The following FBXL7 variants were observed in gnomAD, a reference collection of about 807,000 sequenced individuals.
The protein encoded by FBXL7 is F-box and leucine rich repeat protein 7, also known as F-box/LRR-repeat protein 7.
FBXL7 carries 12 observed loss-of-function variants against 38.3 expected under a neutral mutation model. That is an observed-to-expected ratio of 0.31 (90% confidence interval 0.20 to 0.51). FBXL7 has a LOEUF of 0.51. FBXL7 is among the 20% of genes least tolerant of loss of function. FBXL7 has a pLI of 0.98. For missense variants in FBXL7, 567 were observed against 676.4 expected (o/e 0.84, Z 1.79); for synonymous variants, 297 against 300.9 (o/e 0.99, Z 0.13).
At chr5:15,769,647 G>A (rs981522256) in intron 2 of FBXL7, among the ~76,000 whole-genome samples, 4 of 151,454 alleles carry the variant, frequency 2.6e-5, no homozygotes, top group African/African-American at 4.9e-5. Flanking sequence ...AAAATGTTTC[G>A]CTTTAAAAAT....
chr5:15,681,554 T>C (rs1181937723), intron 2 of FBXL7, among the ~76,000 whole-genome samples: 3 of 152,208 alleles, frequency 2.0e-5, no homozygotes, highest in African/African-American at 7.2e-5. Flanking sequence ...ATAAACCTGT[T>C]AGTAGTATTT....
Position 15,928,090 on chromosome 5 carries a change from G to A in FBXL7, c.328G>A (p.Glu110Lys), listed in dbSNP as rs778729469. ...CCGGCTCGCCTCCAGACCCCAGAAG[G>A]AGCAGGCCAGCATAGACCGGCTCCC... ...LIRLASRPQK[E>K]QASIDRLPDH... Residue 110 changes from glutamate to lysine, a missense_variant, in exon 3 of 4, where the codon GAG becomes AAG. Glu to Lys is a moderately conservative substitution (Grantham distance 56). Transcript: ENST00000504595. The surrounding 1 kb of genome is among the most constrained non-coding windows in gnomAD (Gnocchi z 4.0). 25 of 1,609,324 alleles carry A rather than the reference G, an allele frequency of 1.6e-5. No homozygotes were observed. The highest frequency in any genetic ancestry group is 2.0e-5 in the Non-Finnish European group (23 of 1,179,198).
intron 2 of FBXL7, among the ~76,000 whole-genome samples, chr5:15,618,192 T>C (rs1362096761): frequency 1.3e-5 from 2 of 152,184 alleles, no homozygotes; most frequent in African/African-American, 4.8e-5. Context: ...ATGTATTTTC[T>C]GTTATTCTGA....
At chr5:15,506,261 A>G (rs902560408) in intron 1 of FBXL7, among the ~76,000 whole-genome samples, 4 of 152,056 alleles carry the variant, frequency 2.6e-5, no homozygotes, top group Admixed American at 6.5e-5. Context: ...AAGCACTGCA[A>G]TCCCTCCACA....
intron 2 of FBXL7, among the ~76,000 whole-genome samples, chr5:15,776,957 A>T (rs1223499710): frequency 6.6e-6 from 1 of 152,146 alleles, no homozygotes; most frequent in Non-Finnish European, 1.5e-5. Context: ...GTATCTTAAT[A>T]TCTTCTTCTT....
chr5:15,931,141 T>C (rs1458944507), intron 3 of FBXL7, among the ~76,000 whole-genome samples: 1 of 152,236 alleles, frequency 6.6e-6, no homozygotes, highest in Non-Finnish European at 1.5e-5. Flanking sequence ...TATTGTTTTG[T>C]CATTATCACA....
intron 1 of FBXL7, among the ~76,000 whole-genome samples, chr5:15,586,565 A>G (rs1210200763): frequency 6.6e-6 from 1 of 151,742 alleles, no homozygotes; most frequent in Non-Finnish European, 1.5e-5. Flanking sequence ...TCTTATTACT[A>G]CCCCTGGTTG....
At position 15,862,243 on chromosome 5, in the gene FBXL7, G is replaced by A. The variant is rs139922442; in HGVS notation, c.128-65647G>A. ...GTGAATAAGTCTCACAAGATCTGAT[G>A]GTTTTATAAGGGGAAATGCCTTTCA... On this transcript the variant is annotated intron_variant, in intron 2 of 3. Transcript: ENST00000504595. 7.5e-3 allele frequency among the ~76,000 whole-genome samples: 1,138 copies of A among 152,216 alleles called. 10 individuals are homozygous for A. Among genetic ancestry groups the A allele is most frequent in the South Asian group, 0.015 (74 of 4,812 alleles).
At chr5:15,537,408 T>C (rs1737617151) in intron 1 of FBXL7, among the ~76,000 whole-genome samples, 1 of 152,160 alleles carries the variant, frequency 6.6e-6, no homozygotes, top group Non-Finnish European at 1.5e-5. Flanking sequence ...TTTAATGAAA[T>C]TTGAAAAGCC....
intron 2 of FBXL7, among the ~76,000 whole-genome samples, chr5:15,801,666 C>T (rs1330252967): frequency 2.5e-4 from 36 of 141,362 alleles, no homozygotes; most frequent in East Asian, 1.2e-3. Flanking sequence ...TGCGCGCGCG[C>T]GTGTGTGTGT....
intron 2 of FBXL7, among the ~76,000 whole-genome samples, chr5:15,801,718 T>A (rs1737574782): frequency 6.6e-6 from 1 of 151,456 alleles, no homozygotes; most frequent in Non-Finnish European, 1.5e-5. Context: ...GTGGGACAGG[T>A]TGGCCCTCTT....
At chr5:15,534,602 C>T (rs915327800) in intron 1 of FBXL7, among the ~76,000 whole-genome samples, 3 of 152,136 alleles carry the variant, frequency 2.0e-5, no homozygotes, top group Non-Finnish European at 2.9e-5. Flanking sequence ...TTGGCAATTA[C>T]GAATAAAGCA....
intron 2 of FBXL7, among the ~76,000 whole-genome samples, chr5:15,700,290 C>T (rs1414692745): frequency 6.6e-6 from 1 of 152,180 alleles, no homozygotes; most frequent in African/African-American, 2.4e-5. Flanking sequence ...TTTAAATCCT[C>T]CTTTCATGAT....
At chr5:15,587,583 T>C (rs553996745) in intron 1 of FBXL7, among the ~76,000 whole-genome samples, 1 of 152,346 alleles carries the variant, frequency 6.6e-6, no homozygotes, top group South Asian at 2.1e-4. Context: ...AGAGTATGTG[T>C]AGTTATCGTT....
intron 2 of FBXL7, among the ~76,000 whole-genome samples, chr5:15,775,806 C>T (rs1245037866): frequency 2.0e-5 from 3 of 152,090 alleles, no homozygotes; most frequent in Non-Finnish European, 4.4e-5. Context: ...ATCAAGGCAA[C>T]GTCATTGCAG....
At chr5:15,710,355 C>T (rs1004684594) in intron 2 of FBXL7, among the ~76,000 whole-genome samples, 2 of 152,092 alleles carry the variant, frequency 1.3e-5, no homozygotes. Flanking sequence ...AACATGACCA[C>T]CTCAAGGCCT....
At chr5:15,740,799 C>T (rs1158014977) in intron 2 of FBXL7, among the ~76,000 whole-genome samples, 3 of 152,098 alleles carry the variant, frequency 2.0e-5, no homozygotes, top group Non-Finnish European at 4.4e-5. Flanking sequence ...AATGAAAACA[C>T]AACTAAGGAA....
At chr5:15,796,185 T>G (rs984494615) in intron 2 of FBXL7, among the ~76,000 whole-genome samples, 2 of 152,174 alleles carry the variant, frequency 1.3e-5, no homozygotes, top group Non-Finnish European at 2.9e-5. Flanking sequence ...TTTCTATGAA[T>G]TATAACGATG....
intron 1 of FBXL7, among the ~76,000 whole-genome samples, chr5:15,580,225 G>A (rs1366221168): frequency 1.3e-5 from 2 of 152,106 alleles, no homozygotes; most frequent in African/African-American, 4.8e-5. Context: ...ACCAGGAGGA[G>A]GGCTCTCACT....
Sources: gnomAD v4.1 joint callset for allele counts (sites outside exome capture counted in the v4.1 genomes callset) on GRCh38, gnomAD v4.1.1 for gene constraint, Gnocchi (gnomAD v3.1) non-coding constraint, MANE v1.5 for transcripts, NCBI Gene and HGNC (gene_info 2026-07-23, HGNC 2026-07-21) for gene names.